CACNA1A: variants seen among roughly 807,000 people sequenced by gnomAD.
CACNA1A encodes the protein calcium voltage-gated channel subunit alpha1 A, also known as voltage-dependent P/Q-type calcium channel subunit alpha-1A.
A neutral mutation model predicts 262.4 loss-of-function variants in CACNA1A; 57 were observed. The ratio of observed to expected loss-of-function variants is 0.22; its 90% CI spans 0.18 to 0.27. The LOEUF (loss-of-function observed/expected upper bound fraction) is 0.27, where lower values mean the gene tolerates loss of function less well. CACNA1A is among the 10% of genes least tolerant of loss of function. The pLI is 1.00. For synonymous variants in CACNA1A, 1,431 were observed against 1,419.3 expected, an observed-to-expected ratio of 1.01 and a Z score of -0.18; for missense variants, 2,526 against 3,562.8, an observed-to-expected ratio of 0.71 and a Z score of 7.41.
chr19:13,448,082 G>GAAA (rs36078876), intron 3 of CACNA1A, among the ~76,000 whole-genome samples: 2 of 122,218 alleles, frequency 1.6e-5, no homozygotes, highest in Non-Finnish European at 3.6e-5. Context: ...GTGTTATTAT[G>GAAA]AAAAAAAAAA....
Position 13,326,345 on chromosome 19 carries a change from G to T in CACNA1A, c.1345+3899C>A, listed in dbSNP as rs1201252327. ...AAAAGAAAAAAAAGAAAAAAAAATTGATATCCTTTCAGCAACATGGCTCAA... is the reference window on the plus strand; with the variant it reads ...AAAAGAAAAAAAAGAAAAAAAAATTTATATCCTTTCAGCAACATGGCTCAA... On this transcript the variant is annotated intron_variant, in intron 10 of 46. Coordinates refer to ENST00000360228, the MANE Select transcript of CACNA1A (RefSeq NM_001127222.2). Among the ~76,000 whole-genome samples, 3 of 151,080 alleles carry T rather than the reference G, an allele frequency of 2.0e-5. No homozygotes were observed. In the East Asian group the frequency reaches 5.8e-4, roughly 29 times the overall value.
intron 1 of CACNA1A, among the ~76,000 whole-genome samples, chr19:13,502,604 G>T (rs1281429050): frequency 6.6e-6 from 1 of 152,164 alleles, no homozygotes; most frequent in Non-Finnish European, 1.5e-5. Context: ...CAAGGTGTGT[G>T]GTCAAGACGG....
chr19:13,506,066 C>A lies in CACNA1A; in HGVS notation c.159G>T (p.Ala53=), dbSNP rs767892925. 47 of 1,613,774 alleles carry A rather than the reference C, an allele frequency of 2.9e-5. No individual in the cohort carries two copies. The highest frequency in any genetic ancestry group is 3.6e-5 in the Non-Finnish European group (43 of 1,179,864). The stretch of plus-strand genomic sequence containing the variant: ...AGAGTGCCATGGTCCGCGCTCTCTG[C>A]GCCATTGACTGCTTGTACATCCTTT... ...GAQRMYKQSM[A]QRARTMALYN... Residue 53 remains alanine, a synonymous_variant, in exon 1 of 47, where the codon GCG becomes GCT. Coordinates refer to ENST00000360228, the MANE Select transcript of CACNA1A (RefSeq NM_001127222.2).
intron 3 of CACNA1A, among the ~76,000 whole-genome samples, chr19:13,399,063 C>G (rs910469143): frequency 6.6e-5 from 10 of 152,182 alleles, no homozygotes; most frequent in African/African-American, 2.4e-4. Context: ...TGCAGAAATG[C>G]TGCTCGGGGC....
At chr19:13,405,696 A>G (rs544069436) in intron 3 of CACNA1A, among the ~76,000 whole-genome samples, 4 of 152,234 alleles carry the variant, frequency 2.6e-5, no homozygotes, top group Non-Finnish European at 5.9e-5. Flanking sequence ...AGGTTTGGGC[A>G]TCAGCTCCAA....
At chr19:13,469,345 T>A (rs1308359730) in intron 1 of CACNA1A, among the ~76,000 whole-genome samples, 1 of 151,908 alleles carries the variant, frequency 6.6e-6, no homozygotes, top group Non-Finnish European at 1.5e-5. Flanking sequence ...AGGATGTCCC[T>A]ACCTCTTCAT....
At chr19:13,494,399 G>GA (rs1981254483) in intron 1 of CACNA1A, among the ~76,000 whole-genome samples, 1 of 152,238 alleles carries the variant, frequency 6.6e-6, no homozygotes, top group Non-Finnish European at 1.5e-5. Flanking sequence ...GAGACCTGGA[G>GA]AAACAGTGAT....
chr19:13,304,794 G>T (rs1211176025), intron 15 of CACNA1A, among the ~76,000 whole-genome samples: 1 of 151,998 alleles, frequency 6.6e-6, no homozygotes, highest in Admixed American at 6.6e-5. Flanking sequence ...AACTAACCCT[G>T]CTAACACTTT....
rs2055861119 is a variant in CACNA1A at position 13,236,004 on chromosome 19, A to G, written c.4951-274T>C. The G allele has an allele frequency of 2.7e-6, 1 of 365,878 alleles. No individual in the cohort carries two copies. The highest frequency in any genetic ancestry group is 1.1e-4 in the South Asian group (1 of 8,732). The allele number at this position is 365,878 out of a possible 1,614,324, so 22.7% of individuals were successfully genotyped here. On this transcript the variant is annotated intron_variant, in intron 31 of 46. Transcript: ENST00000360228. The surrounding 1 kb of genome is among the most constrained non-coding windows in gnomAD (Gnocchi z 4.6). ...GCCAGCCCCACCCACAATGGGGAAA[A>G]GAAAAGAAAAAGAAAGGAGGAAAAA...
At chr19:13,254,962 G>T (rs2056505311) in intron 29 of CACNA1A, 133 bp downstream of exon 29, 1 of 889,614 alleles carries the variant, frequency 1.1e-6, no homozygotes, top group Non-Finnish European at 1.8e-6. Context: ...AGAGGGAACA[G>T]CAGGAACAAA....
At chr19:13,447,261 G>A (rs1301851980) in intron 3 of CACNA1A, among the ~76,000 whole-genome samples, 1 of 152,082 alleles carries the variant, frequency 6.6e-6, no homozygotes, top group Non-Finnish European at 1.5e-5. Flanking sequence ...TCATCCCAAC[G>A]ATGAGCTCTC....
intron 6 of CACNA1A, among the ~76,000 whole-genome samples, chr19:13,337,465 G>A (rs4926151): frequency 0.67 from 101,128 of 151,922 alleles, 33,901 homozygotes; most frequent in Admixed American, 0.75. Context: ...GGACACCATC[G>A]TATTAGATTA....
At chr19:13,466,413 T>C (rs1250554793) in intron 1 of CACNA1A, among the ~76,000 whole-genome samples, 2 of 151,614 alleles carry the variant, frequency 1.3e-5, no homozygotes, top group African/African-American at 4.8e-5. Context: ...CGATCTTGGC[T>C]CACTGCAGCC....
intron 3 of CACNA1A, among the ~76,000 whole-genome samples, chr19:13,420,095 A>T (rs2144780239): frequency 6.6e-6 from 1 of 151,980 alleles, no homozygotes; most frequent in East Asian, 1.9e-4. Flanking sequence ...TAAAAATAAA[A>T]ATAAATTAAA....
chr19:13,253,130 G>T (rs751374402), intron 29 of CACNA1A, 29 bp from the exon 30 acceptor site: 1 of 1,457,272 alleles, frequency 6.9e-7, no homozygotes, highest in South Asian at 1.1e-5. Context: ...AGTAGCAGGG[G>T]TCAGCGAGCA....
At chr19:13,297,910 T>C (rs1385403828) in intron 19 of CACNA1A, among the ~76,000 whole-genome samples, 4 of 151,752 alleles carry the variant, frequency 2.6e-5, no homozygotes, top group Non-Finnish European at 5.9e-5. Context: ...CACTGCAACC[T>C]ACCTCCACCT....
intron 6 of CACNA1A, among the ~76,000 whole-genome samples, chr19:13,349,725 C>T (rs868685212): frequency 3.9e-5 from 6 of 152,208 alleles, no homozygotes; most frequent in Admixed American, 2.0e-4. Context: ...GACTCTCAAT[C>T]GCTGTGCACA....
At chr19:13,461,289 G>A (rs183468297) in intron 1 of CACNA1A, among the ~76,000 whole-genome samples, 5 of 152,252 alleles carry the variant, frequency 3.3e-5, no homozygotes, top group Admixed American at 2.6e-4. Flanking sequence ...GCAGTGAGCC[G>A]AGATAACGCC....
intron 5 of CACNA1A, among the ~76,000 whole-genome samples, chr19:13,360,170 T>C (rs975857622): frequency 7.9e-5 from 12 of 151,822 alleles, no homozygotes; most frequent in Non-Finnish European, 4.4e-5. Context: ...TAAAATATTT[T>C]CTAATTTCCA....
Sources: allele counts gnomAD v4.1 joint callset (sites outside exome capture counted in the v4.1 genomes callset), GRCh38; gene constraint gnomAD v4.1.1; non-coding constraint Gnocchi (gnomAD v3.1); transcripts MANE v1.5; gene names NCBI Gene and HGNC (gene_info 2026-07-23, HGNC 2026-07-21).